The following FASTKD1 variants were observed in gnomAD, a reference collection of about 807,000 sequenced individuals.
The protein encoded by FASTKD1 is FAST kinase domains 1, also known as FAST kinase domain-containing protein 1, mitochondrial.
FASTKD1 carries 94 observed loss-of-function variants against 90.9 expected under a neutral mutation model. The observed-to-expected ratio is 1.03, with a 90% CI of 0.88 to 1.23. The LOEUF is 1.23. Ranked by LOEUF, FASTKD1 falls within the 50% of genes most tolerant of loss-of-function variation. The pLI, the probability that FASTKD1 is intolerant of heterozygous loss-of-function variation, is 0.00. For synonymous variants in FASTKD1, 319 were observed against 345.8 expected (o/e 0.92, Z 0.86); for missense variants, 945 against 993.5 (o/e 0.95, Z 0.66).
chr2:169,540,278 C>T, intron 9 of FASTKD1, 99 bp from the exon 10 acceptor site: 2 of 1,212,252 alleles, frequency 1.6e-6, no homozygotes, highest in South Asian at 3.7e-5. Flanking sequence ...AAAAAAGATA[C>T]ACAGCCTTGA....
At chr2:169,548,731 CAAAAAAA>C (rs58560988) in intron 7 of FASTKD1, among the ~76,000 whole-genome samples, 2 of 35,658 alleles carry the variant, frequency 5.6e-5, no homozygotes, top group Non-Finnish European at 1.0e-4. Flanking sequence ...GACTCCGCCT[CAAAAAAA>C]AAAAAAAAAA....
intron 3 of FASTKD1, among the ~76,000 whole-genome samples, chr2:169,566,356 A>G (rs1285005203): frequency 1.3e-5 from 2 of 152,162 alleles, no homozygotes; most frequent in African/African-American, 4.8e-5. Context: ...TGTGTTGACA[A>G]TTGTTGAAGC....
intron 8 of FASTKD1, among the ~76,000 whole-genome samples, chr2:169,545,610 G>A (rs745477888): frequency 5.9e-5 from 9 of 152,204 alleles, no homozygotes; most frequent in Non-Finnish European, 1.3e-4. Flanking sequence ...AAATCTGCAA[G>A]AAGATGCAAT....
In FASTKD1 at chr2:169,546,497, C is replaced by T. The variant is rs373942449; in HGVS notation, c.1422G>A (p.Ala474=). The change falls in exon 8 of 15, where the codon GCG becomes GCA. Residue 474 remains alanine (A), a synonymous_variant. Transcript: ENST00000453153. ...HDHMYLDNMT[A]KQLKLLQKLD... The stretch of plus-strand genomic sequence containing the variant: ...ATTTTTGAAGTAGTTTCAGTTGTTT[C>T]GCAGTCATATTATCCAAATACATGT... The T allele has an allele frequency of 2.0e-4, 323 of 1,613,968 alleles. 2 individuals carry two copies. The highest frequency in any genetic ancestry group is 1.3e-4 in the Admixed American group (8 of 59,986).
chr2:169,549,664 G>T (rs1437057497), intron 7 of FASTKD1, among the ~76,000 whole-genome samples: 1 of 151,984 alleles, frequency 6.6e-6, no homozygotes, highest in African/African-American at 2.4e-5. Context: ...ACAGGGTCTT[G>T]CTTTATTGCC....
chr2:169,573,525 A>G (rs746270), intron 1 of FASTKD1, 144 bp downstream of exon 1: 9,139 of 152,340 alleles, frequency 0.06, 346 homozygotes, highest in East Asian at 0.13. Flanking sequence ...ATGGGGTCTC[A>G]GCCCTGCCCT....
In FASTKD1 at chr2:169,563,363, A is replaced by G. The variant is rs1293909382; in HGVS notation, c.447-13T>C. ...TTTAATATCAAACCTATTAAAGGAA[A>G]TATACAAAGGAGAACATTAGTATTT... On this transcript the variant is annotated splice_polypyrimidine_tract_variant and intron_variant, in intron 3 of 14. Transcript: ENST00000453153. 1 of 1,570,378 alleles carries G rather than the reference A, an allele frequency of 6.4e-7. No homozygotes were observed. Among genetic ancestry groups the G allele is most frequent in the South Asian group, 1.1e-5 (1 of 88,990 alleles).
At chr2:169,563,868 C>T (rs1467209010) in intron 3 of FASTKD1, among the ~76,000 whole-genome samples, 3 of 152,126 alleles carry the variant, frequency 2.0e-5, no homozygotes, top group African/African-American at 4.8e-5. Context: ...CATACTCATA[C>T]AATAGAATAA....
Position 169,537,477 on chromosome 2 carries a change from C to T in FASTKD1, c.2075-137G>A, listed in dbSNP as rs1684777471. 5 of 513,894 alleles carry T rather than the reference C, an allele frequency of 9.7e-6. No individual in the cohort carries two copies. In the East Asian group the frequency reaches 1.8e-4, roughly 19 times the overall value. The allele number at this position is 513,894 out of a possible 1,614,324, so 31.8% of individuals were successfully genotyped here. On this transcript the variant is annotated intron_variant, in intron 11 of 14. Transcript: ENST00000453153. ...TCAGCTCACTGCAACCTCTGCCTCCCCAGTTCAAGCAATTCTCCTGCCTCA... is the reference window on the plus strand; with the variant it reads ...TCAGCTCACTGCAACCTCTGCCTCCTCAGTTCAAGCAATTCTCCTGCCTCA...
intron 3 of FASTKD1, among the ~76,000 whole-genome samples, chr2:169,567,825 T>G (rs977919264): frequency 1.3e-5 from 2 of 152,184 alleles, no homozygotes; most frequent in Non-Finnish European, 2.9e-5. Flanking sequence ...CCCTGATTTT[T>G]TTCTTTCCTC....
chr2:169,560,708 T>C lies in FASTKD1; in HGVS notation c.650A>G (p.Glu217Gly). 1 of 1,609,024 alleles carries C rather than the reference T, an allele frequency of 6.2e-7. No homozygotes were observed. The highest frequency in any genetic ancestry group is 8.5e-7 in the Non-Finnish European group (1 of 1,178,374). Residue 217 changes from glutamate to glycine, a missense_variant, in exon 5 of 15, where the codon GAA (glutamate) becomes GGA (glycine). Transcript: ENST00000453153. ...HFQQQLVNKT[E>G]LLFDTIDSSE... ...AGAATCTATGGTGTCAAAAAGAAGTTCTGTTTTGTTCACCAGTTGTTGTTG... is the reference window on the plus strand; with the variant it reads ...AGAATCTATGGTGTCAAAAAGAAGTCCTGTTTTGTTCACCAGTTGTTGTTG...
chr2:169,539,974 T>C (rs1684896557), intron 10 of FASTKD1, 77 bp downstream of exon 10: 2 of 811,004 alleles, frequency 2.5e-6, no homozygotes, highest in South Asian at 3.2e-5. Flanking sequence ...ACATTAAAAT[T>C]CTTCAGTATA....
In FASTKD1 at chr2:169,560,508, C is replaced by T; in HGVS notation, c.850G>A (p.Glu284Lys). The T allele has an allele frequency of 6.2e-7, 1 of 1,603,190 alleles. No homozygotes were observed. Among genetic ancestry groups the T allele is most frequent in the Non-Finnish European group, 8.5e-7 (1 of 1,174,862 alleles). Reference sequence around the variant, plus strand: ...TTCTTTTTAGCCATTATAATAAATTCAAAACTATTAAATTGTAGAAATTTG... The same window carrying T: ...TTCTTTTTAGCCATTATAATAAATTTAAAACTATTAAATTGTAGAAATTTG... ...VYKFLQFNSFEFIIMAKKKLT... is the reference protein window; with the variant it reads ...VYKFLQFNSFKFIIMAKKKLT... Residue 284 changes from glutamate (E) to lysine (K), a missense_variant, in exon 5 of 15, where the codon GAA becomes AAA. Transcript: ENST00000453153.
intron 7 of FASTKD1, among the ~76,000 whole-genome samples, chr2:169,552,709 T>C (rs1285518379): frequency 3.3e-5 from 5 of 152,120 alleles, no homozygotes; most frequent in Non-Finnish European, 7.3e-5. Context: ...CGCAAAGGCA[T>C]ACAGAGTGAT....
Position 169,546,297 on chromosome 2 carries a change from G to C in FASTKD1, c.1622C>G (p.Ser541Cys), listed in dbSNP as rs1196885497. The C allele has an allele frequency of 1.2e-6, 2 of 1,613,560 alleles. No individual in the cohort carries two copies. The highest frequency in any genetic ancestry group is 1.7e-6 in the Non-Finnish European group (2 of 1,179,844). Residue 541 changes from serine to cysteine, a missense_variant, in exon 8 of 15, where the codon TCT (serine) becomes TGT (cysteine). Ser to Cys is a moderately radical substitution (Grantham distance 112). Transcript: ENST00000453153. Reference sequence around the variant, plus strand: ...GAGGTAATCAGTACTAGAAATAAAAGATGCAATCTCCCCAACATTTATGTA... The same window carrying C: ...GAGGTAATCAGTACTAGAAATAAAACATGCAATCTCCCCAACATTTATGTA... ...INYINVGEIA[S>C]FISSTDYLST...
At chr2:169,536,309 C>A (rs937591567) in intron 12 of FASTKD1, among the ~76,000 whole-genome samples, 3 of 152,122 alleles carry the variant, frequency 2.0e-5, no homozygotes, top group Admixed American at 1.3e-4. Context: ...CTCTCTAGTT[C>A]TGTCTACGAC....
At chr2:169,568,714 G>C (rs1684105010) in intron 3 of FASTKD1, among the ~76,000 whole-genome samples, 1 of 145,506 alleles carries the variant, frequency 6.9e-6, no homozygotes, top group Non-Finnish European at 1.5e-5. Flanking sequence ...AAAAAGAAAA[G>C]ACATGGCTGG....
At chr2:169,550,041 C>A (rs1353134878) in intron 7 of FASTKD1, among the ~76,000 whole-genome samples, 1 of 150,502 alleles carries the variant, frequency 6.6e-6, no homozygotes, top group Non-Finnish European at 1.5e-5. Flanking sequence ...CTTTTTTTTT[C>A]TTTTAAGAGG....
Position 169,529,701 on chromosome 2 carries a change from A to T in FASTKD1, c.*124T>A. 1.5e-6 allele frequency: 1 copy of T among 646,128 alleles called. No homozygotes were observed. Among genetic ancestry groups the T allele is most frequent in the Non-Finnish European group, 2.7e-6 (1 of 370,418 alleles). The allele number at this position is 646,128 out of a possible 1,614,324, so 40.0% of individuals were successfully genotyped here. A position where few individuals can be genotyped will look rare whatever the true frequency, so the allele number is the denominator to read the frequency against. On this transcript the variant is annotated 3_prime_UTR_variant, in exon 15 of 15. Coordinates refer to ENST00000453153, the MANE Select transcript of FASTKD1 (RefSeq NM_024622.6). ...CTCCAGCCACACTGGATCCTTTGTT[A>T]TTCTCAAACATGCCAGGCATGTTCC... is the stretch of plus-strand genomic sequence containing the variant.
Sources: allele counts gnomAD v4.1 joint callset (sites outside exome capture counted in the v4.1 genomes callset), GRCh38; gene constraint gnomAD v4.1.1; transcripts MANE v1.5; gene names NCBI Gene and HGNC (gene_info 2026-07-23, HGNC 2026-07-21).